The following WDR49 variants were observed in gnomAD, a reference collection of about 807,000 sequenced individuals.
The protein encoded by WDR49 is WD repeat domain 49, also known as cilia- and flagella-associated protein 337.
Under a neutral mutation model 119.5 loss-of-function variants are expected in WDR49, and 107 were observed. That is an observed-to-expected ratio of 0.90 (90% CI 0.77 to 1.05). The LOEUF (loss-of-function observed/expected upper bound fraction) is 1.05. Among genes scored for constraint, WDR49 ranks in the 50% least tolerant of loss-of-function variants. WDR49 has a pLI of 0.00. For synonymous variants in WDR49, 425 were observed against 418.8 expected, an observed-to-expected ratio of 1.01 and a Z score of -0.18; for missense variants, 1,240 against 1,220.5, an observed-to-expected ratio of 1.02 and a Z score of -0.24.
chr3:167,607,109 G>T (rs1400413188), intron 5 of WDR49, among the ~76,000 whole-genome samples: 1 of 152,170 alleles, frequency 6.6e-6, no homozygotes, highest in African/African-American at 2.4e-5. Context: ...TTTCTCCTGG[G>T]TATGGGGTAG....
chr3:167,572,915 A>T (rs1714017915), intron 8 of WDR49, among the ~76,000 whole-genome samples: 1 of 152,144 alleles, frequency 6.6e-6, no homozygotes, highest in African/African-American at 2.4e-5. Flanking sequence ...ACCTCAAGGG[A>T]CATTCCTGAG....
chr3:167,625,394 G>GATA (rs976452414), intron 3 of WDR49, among the ~76,000 whole-genome samples: 41 of 151,720 alleles, frequency 2.7e-4, no homozygotes, highest in African/African-American at 9.4e-4. Flanking sequence ...CAATTATACT[G>GATA]ATAATAATAA....
chr3:167,553,178 A>G (rs1342723020), intron 10 of WDR49, among the ~76,000 whole-genome samples: 18 of 152,056 alleles, frequency 1.2e-4, no homozygotes, highest in Non-Finnish European at 2.9e-5. Flanking sequence ...CACCAATATA[A>G]AGTGAAATAA....
chr3:167,503,982 G>C (rs1220509661), intron 17 of WDR49, among the ~76,000 whole-genome samples: 1 of 152,174 alleles, frequency 6.6e-6, no homozygotes, highest in Non-Finnish European at 1.5e-5. Flanking sequence ...TCTCTGATTG[G>C]TCAGGTGTGA....
chr3:167,620,757 G>A (rs1716829154), intron 4 of WDR49, among the ~76,000 whole-genome samples, 154 bp from the exon 5 acceptor site: 1 of 152,066 alleles, frequency 6.6e-6, no homozygotes, highest in African/African-American at 2.4e-5. Context: ...CTAAAAAACA[G>A]AACAATTATT....
intron 8 of WDR49, among the ~76,000 whole-genome samples, chr3:167,567,183 C>T (rs779799817): frequency 3.9e-5 from 6 of 152,158 alleles, no homozygotes; most frequent in East Asian, 3.8e-4. Context: ...ATAATCAGAA[C>T]GCTTCTGCCA....
At chr3:167,566,764 A>G in intron 8 of WDR49, 1 of 563,824 alleles carries the variant, frequency 1.8e-6, no homozygotes, top group Admixed American at 2.8e-5. Context: ...GTATTCTTAC[A>G]ACAAAGTAAG....
intron 18 of WDR49, among the ~76,000 whole-genome samples, chr3:167,497,222 C>T (rs1215887118): frequency 6.6e-6 from 1 of 152,070 alleles, no homozygotes; most frequent in Non-Finnish European, 1.5e-5. Context: ...AAGTAGTCAT[C>T]AATAATTTGC....
intron 5 of WDR49, among the ~76,000 whole-genome samples, chr3:167,610,674 C>T (rs1716297514): frequency 6.6e-6 from 1 of 152,166 alleles, no homozygotes; most frequent in East Asian, 1.9e-4. Context: ...TTGCAGAGCC[C>T]CAGGGCCTTG....
chr3:167,604,693 G>A (rs1156273846), intron 5 of WDR49, among the ~76,000 whole-genome samples: 1 of 152,088 alleles, frequency 6.6e-6, no homozygotes, highest in Non-Finnish European at 1.5e-5. Context: ...CCCCAATCTA[G>A]GGAAAGATAA....
chr3:167,574,398 T>C (rs1320495190), intron 8 of WDR49, among the ~76,000 whole-genome samples: 1 of 152,216 alleles, frequency 6.6e-6, no homozygotes, highest in African/African-American at 2.4e-5. Context: ...TAATTATAAA[T>C]GTAACACATA....
chr3:167,623,423 A>G (rs1716961756), intron 3 of WDR49, among the ~76,000 whole-genome samples: 1 of 152,098 alleles, frequency 6.6e-6, no homozygotes, highest in African/African-American at 2.4e-5. Flanking sequence ...TATTAATGGA[A>G]TAAAAGACAA....
intron 18 of WDR49, among the ~76,000 whole-genome samples, chr3:167,492,458 T>A (rs534964050): frequency 6.6e-6 from 1 of 152,222 alleles, no homozygotes; most frequent in East Asian, 1.9e-4. Context: ...ATGCCACAAA[T>A]TCTTTATATA....
chr3:167,479,943 A>G (rs916802163), intron 18 of WDR49, among the ~76,000 whole-genome samples: 11 of 151,986 alleles, frequency 7.2e-5, no homozygotes, highest in Non-Finnish European at 1.3e-4. Flanking sequence ...AAAGCATGGA[A>G]AAAAAGGCCG....
At chr3:167,632,611 C>T (rs148050586) in intron 2 of WDR49, among the ~76,000 whole-genome samples, 234 of 151,978 alleles carry the variant, frequency 1.5e-3, no homozygotes, top group African/African-American at 5.3e-3. Flanking sequence ...TTGATTAATA[C>T]GTTATTAATT....
Position 167,602,166 on chromosome 3 carries a change from A to G in WDR49, c.1236T>C (p.Phe412=). The G allele has an allele frequency of 6.3e-7, 1 of 1,598,724 alleles. No homozygotes were observed. Among genetic ancestry groups the G allele is most frequent in the Non-Finnish European group, 8.6e-7 (1 of 1,169,204 alleles). ...AGCTGAAAAGTTGTTTTCTTTCCACAAAGAATTGGACGGCTATTACACTGG... is the reference window on the plus strand; with the variant it reads ...AGCTGAAAAGTTGTTTTCTTTCCACGAAGAATTGGACGGCTATTACACTGG... ...HSASVIAVQF[F]VERKQLFSFS... The change falls in exon 7 of 19, where the codon TTT becomes TTC. Residue 412 remains phenylalanine, a synonymous_variant. Coordinates refer to ENST00000682715, the MANE Select transcript of WDR49 (RefSeq NM_001366157.1).
At chr3:167,520,093 G>GTGTT (rs1015815326) in intron 16 of WDR49, among the ~76,000 whole-genome samples, 3 of 151,516 alleles carry the variant, frequency 2.0e-5, no homozygotes, top group African/African-American at 7.3e-5. Flanking sequence ...GTGTGTGTGT[G>GTGTT]TGTGTGCAAA....
At chr3:167,534,666 TA>T (rs914368359) in intron 11 of WDR49, among the ~76,000 whole-genome samples, 12 of 152,088 alleles carry the variant, frequency 7.9e-5, no homozygotes, top group South Asian at 2.1e-4. Flanking sequence ...TTTGGTTCTA[TA>T]AAAAAAATTC....
chr3:167,625,811 A>G (rs918425629), intron 3 of WDR49, among the ~76,000 whole-genome samples: 2 of 152,042 alleles, frequency 1.3e-5, no homozygotes, highest in African/African-American at 2.4e-5. Flanking sequence ...ATGGCTGGAC[A>G]TATTAAACAA....
Sources: allele counts gnomAD v4.1 joint callset (sites outside exome capture counted in the v4.1 genomes callset), GRCh38; gene constraint gnomAD v4.1.1; transcripts MANE v1.5; gene names NCBI Gene and HGNC (gene_info 2026-07-23, HGNC 2026-07-21).